The following TPST1 variants were observed in gnomAD, a reference collection of about 807,000 sequenced individuals.
TPST1 encodes the protein tyrosylprotein sulfotransferase 1, also known as protein-tyrosine sulfotransferase 1.
Under a neutral mutation model 34.8 loss-of-function variants are expected in TPST1, and 20 were observed. The ratio of observed to expected loss-of-function variants is 0.57; its 90% confidence interval spans 0.40 to 0.84. The LOEUF (loss-of-function observed/expected upper bound fraction) is 0.84. Ranked by LOEUF, TPST1 falls within the 40% of genes least tolerant of loss-of-function variation. TPST1 has a pLI of 0.00. For synonymous variants in TPST1, 152 were observed against 159.4 expected, an observed-to-expected ratio of 0.95 and a Z score of 0.35; for missense variants, 353 against 455.5, an observed-to-expected ratio of 0.78 and a Z score of 2.05.
At chr7:66,212,430 A>C (rs936468296) in intron 1 of TPST1, among the ~76,000 whole-genome samples, 24 of 150,298 alleles carry the variant, frequency 1.6e-4, no homozygotes, top group Non-Finnish European at 8.9e-5. Flanking sequence ...GATTGCTCAT[A>C]TATTGATATC....
chr7:66,343,181 T>C (rs1289827524), intron 3 of TPST1, among the ~76,000 whole-genome samples: 1 of 152,204 alleles, frequency 6.6e-6, no homozygotes, highest in Non-Finnish European at 1.5e-5. Flanking sequence ...TTTCAGACCC[T>C]ATTCTATTTT....
intron 2 of TPST1, among the ~76,000 whole-genome samples, 153 bp from the exon 3 acceptor site, chr7:66,286,358 G>T (rs1268088540): frequency 2.0e-5 from 3 of 151,962 alleles, no homozygotes; most frequent in Non-Finnish European, 4.4e-5. Context: ...TTTAATTCTG[G>T]TAAATAGTGT....
rs185677224 is a variant in TPST1 at position 66,332,393 on chromosome 7, G to A, written c.1045-20112G>A. Among the ~76,000 whole-genome samples the A allele has an allele frequency of 3.9e-3, 599 of 151,864 alleles. No individual in the cohort carries two copies. The highest frequency in any genetic ancestry group is 0.012 in the African/African-American group (503 of 41,408). On this transcript the variant is annotated intron_variant, in intron 3 of 5. Transcript: ENST00000304842. This position sits in a 1 kb window ranked among gnomAD's most constrained non-coding sequence, Gnocchi z 4.5. ...AGCGATTCTCCTGCCTCAGCCTCCCGAGTAGCTGGGATTACAGGTGCCCGC... is the reference window on the plus strand; with the variant it reads ...AGCGATTCTCCTGCCTCAGCCTCCCAAGTAGCTGGGATTACAGGTGCCCGC...
At chr7:66,240,135 C>G (rs963663548) in intron 1 of TPST1, among the ~76,000 whole-genome samples, 190 bp from the exon 2 acceptor site, 2 of 152,104 alleles carry the variant, frequency 1.3e-5, no homozygotes, top group Admixed American at 6.5e-5. Flanking sequence ...GATCCGCCCG[C>G]CTCGGCCTCC....
At chr7:66,343,164 A>G (rs920561106) in intron 3 of TPST1, among the ~76,000 whole-genome samples, 1 of 152,190 alleles carries the variant, frequency 6.6e-6, no homozygotes, top group African/African-American at 2.4e-5. Context: ...CTGCTAAATG[A>G]ACTAATTTTC....
At chr7:66,326,352 A>G (rs1036024324) in intron 3 of TPST1, among the ~76,000 whole-genome samples, 1 of 152,160 alleles carries the variant, frequency 6.6e-6, no homozygotes, top group Non-Finnish European at 1.5e-5. Flanking sequence ...AGATGGCGCT[A>G]CTGTATTCTC....
chr7:66,253,306 C>T (rs1790305690), intron 2 of TPST1, among the ~76,000 whole-genome samples: 1 of 151,704 alleles, frequency 6.6e-6, no homozygotes, highest in Admixed American at 6.6e-5. Flanking sequence ...TAATGACATG[C>T]AGTACCAGCT....
At chr7:66,358,987 G>A (rs533516630) in intron 5 of TPST1, 14 of 152,302 alleles carry the variant, frequency 9.2e-5, no homozygotes, top group East Asian at 5.8e-4. Flanking sequence ...CCCTTAGGAT[G>A]GATACTATCT....
At chr7:66,329,259 T>C (rs2116260485) in intron 3 of TPST1, among the ~76,000 whole-genome samples, 1 of 152,200 alleles carries the variant, frequency 6.6e-6, no homozygotes, top group African/African-American at 2.4e-5. Flanking sequence ...GAGCTTTGCA[T>C]GGTTAATATA....
At chr7:66,243,062 A>T in intron 2 of TPST1, among the ~76,000 whole-genome samples, 1 of 152,078 alleles carries the variant, frequency 6.6e-6, no homozygotes. Context: ...GTTGCTAAGA[A>T]CGTTCTTGTA....
In TPST1 at chr7:66,211,422, C is replaced by T. The variant is rs555345373; in HGVS notation, c.-102+5900C>T. 2.6e-5 allele frequency among the ~76,000 whole-genome samples: 4 copies of T among 152,340 alleles called. No homozygotes were observed. In the East Asian group the frequency reaches 5.8e-4, roughly 22 times the overall value. ...CTGGGATTACAGGTGTGAGCCACCA[C>T]GCCCGGCTGGTCCATTTTTATAGCT... On this transcript the variant is annotated intron_variant, in intron 1 of 5. Coordinates refer to ENST00000304842, the MANE Select transcript of TPST1 (RefSeq NM_003596.4).
chr7:66,317,807 A>G (rs546771249), intron 3 of TPST1, among the ~76,000 whole-genome samples: 1 of 152,176 alleles, frequency 6.6e-6, no homozygotes, highest in Non-Finnish European at 1.5e-5. Flanking sequence ...AAAAAATTCC[A>G]TGTTCTCTTA....
At chr7:66,314,633 A>T (rs1791597412) in intron 3 of TPST1, among the ~76,000 whole-genome samples, 1 of 152,236 alleles carries the variant, frequency 6.6e-6, no homozygotes. Flanking sequence ...TTATTAGGTG[A>T]TTCTGTCATT....
intron 3 of TPST1, among the ~76,000 whole-genome samples, chr7:66,303,990 G>T (rs902599833): frequency 6.6e-6 from 1 of 152,188 alleles, no homozygotes; most frequent in African/African-American, 2.4e-5. Flanking sequence ...AGCCCCAGAG[G>T]TTGTGGCAGC....
chr7:66,341,572 C>T (rs980493418), intron 3 of TPST1, among the ~76,000 whole-genome samples: 2 of 152,218 alleles, frequency 1.3e-5, no homozygotes, highest in African/African-American at 4.8e-5. Flanking sequence ...AGCCACCGCA[C>T]TCAGCCTAGA....
chr7:66,229,535 G>T (rs754048749), intron 1 of TPST1, among the ~76,000 whole-genome samples: 3 of 152,194 alleles, frequency 2.0e-5, no homozygotes, highest in Non-Finnish European at 2.9e-5. Flanking sequence ...ACTTTATTCA[G>T]ATTAACTCAT....
At chr7:66,285,991 TC>T (rs1562829783) in intron 2 of TPST1, among the ~76,000 whole-genome samples, 1 of 152,176 alleles carries the variant, frequency 6.6e-6, no homozygotes, top group Non-Finnish European at 1.5e-5. Context: ...TTGGCAGTTT[TC>T]CCCCAACATT....
chr7:66,257,331 A>G (rs1358016668), intron 2 of TPST1, among the ~76,000 whole-genome samples: 3 of 152,212 alleles, frequency 2.0e-5, no homozygotes, highest in East Asian at 1.9e-4. Context: ...CCAGTATACA[A>G]GGGTGGAACA....
intron 3 of TPST1, among the ~76,000 whole-genome samples, chr7:66,295,314 G>A (rs1247707072): frequency 6.6e-6 from 1 of 152,088 alleles, no homozygotes; most frequent in East Asian, 1.9e-4. Flanking sequence ...GGACAATGTG[G>A]CAAAACCCCA....
Sources: allele counts gnomAD v4.1 joint callset (sites outside exome capture counted in the v4.1 genomes callset), GRCh38; gene constraint gnomAD v4.1.1; non-coding constraint Gnocchi (gnomAD v3.1); transcripts MANE v1.5; gene names NCBI Gene and HGNC (gene_info 2026-07-23, HGNC 2026-07-21).